The following PPM1B variants were observed in gnomAD, a reference collection of about 807,000 sequenced individuals.
The protein encoded by PPM1B is protein phosphatase 1B.
Under a neutral mutation model 43.0 loss-of-function variants are expected in PPM1B, and 22 were observed. The observed-to-expected ratio is 0.51, with a 90% CI of 0.37 to 0.73. The LOEUF (loss-of-function observed/expected upper bound fraction) is 0.73. Ranked by LOEUF, PPM1B falls within the 30% of genes least tolerant of loss-of-function variation. PPM1B has a pLI of 0.00. For synonymous variants in PPM1B, 217 were observed against 197.9 expected, an observed-to-expected ratio of 1.10 and a Z score of -0.81; for missense variants, 632 against 584.2, an observed-to-expected ratio of 1.08 and a Z score of -0.84.
chr2:44,218,335 A>C (rs1054749359), intron 4 of PPM1B, 145 bp from the exon 5 acceptor site: 37 of 699,894 alleles, frequency 5.3e-5, no homozygotes, highest in Non-Finnish European at 8.8e-5. Flanking sequence ...TCAGATTCTG[A>C]GAGTAAAGTG....
intron 3 of PPM1B, among the ~76,000 whole-genome samples, chr2:44,215,862 A>G (rs1669695317): frequency 1.3e-5 from 2 of 152,206 alleles, no homozygotes; most frequent in South Asian, 2.1e-4. Context: ...TTGGTTAGAA[A>G]TGTCTCTGTG....
chr2:44,228,181 C>T (rs1670307378), intron 5 of PPM1B, among the ~76,000 whole-genome samples: 1 of 129,410 alleles, frequency 7.7e-6, no homozygotes, highest in African/African-American at 2.8e-5. Context: ...CTCAGCCTAA[C>T]AAGCCCTTTT....
chr2:44,227,464 A>G (rs58093802), intron 5 of PPM1B, among the ~76,000 whole-genome samples: 5,466 of 151,860 alleles, frequency 0.036, 311 homozygotes, highest in African/African-American at 0.12. Context: ...GCTAACATGA[A>G]CAGATACACA....
At chr2:44,171,419 A>G (rs2103983260) in intron 1 of PPM1B, among the ~76,000 whole-genome samples, 2 of 152,322 alleles carry the variant, frequency 1.3e-5, no homozygotes, top group East Asian at 3.9e-4. Context: ...CTTTTCTATA[A>G]CAAACATTTT....
At chr2:44,224,600 T>A (rs1439874854) in intron 5 of PPM1B, among the ~76,000 whole-genome samples, 1 of 152,086 alleles carries the variant, frequency 6.6e-6, no homozygotes, top group Non-Finnish European at 1.5e-5. Context: ...ACTCTCTGCT[T>A]GATTTATCTA....
At chr2:44,225,567 T>C (rs142915299) in intron 5 of PPM1B, among the ~76,000 whole-genome samples, 112 of 152,388 alleles carry the variant, frequency 7.3e-4, no homozygotes, top group African/African-American at 2.4e-3. Context: ...TTAGCTAAAG[T>C]TCTTCTCAAT....
intron 1 of PPM1B, among the ~76,000 whole-genome samples, chr2:44,170,699 T>C (rs1667294374): frequency 6.6e-6 from 1 of 152,200 alleles, no homozygotes; most frequent in Non-Finnish European, 1.5e-5. Context: ...AAATGGGGCA[T>C]TTCTAAGTAA....
chr2:44,232,387 G>A, downstream of PPM1B: 2 of 1,592,330 alleles, frequency 1.3e-6, no homozygotes, highest in Non-Finnish European at 1.7e-6. Context: ...TGAAAATTGG[G>A]GGAAAAAACT....
At chr2:44,173,863 T>C (rs1667463292) in intron 1 of PPM1B, among the ~76,000 whole-genome samples, 1 of 152,156 alleles carries the variant, frequency 6.6e-6, no homozygotes, top group African/African-American at 2.4e-5. Flanking sequence ...GAATTGCTTG[T>C]ACCCGAGAGG....
At position 44,169,034 on chromosome 2, in the gene PPM1B, T is replaced by A; in HGVS notation, c.-255T>A. On this transcript the variant is annotated 5_prime_UTR_variant, in exon 1 of 6. Transcript: ENST00000282412. ...GGAAGATGCTCCAGAGAGACGAGGC[T>A]GCGGCGGAGGAGGTGGCGGCGGCCG... The A allele has an allele frequency of 6.1e-6, 1 of 163,664 alleles. No individual in the cohort carries two copies. Among genetic ancestry groups the A allele is most frequent in the Non-Finnish European group, 1.3e-5 (1 of 74,752 alleles). 10.1% of individuals were successfully genotyped at this position (163,664 alleles called of 1,614,324 possible).
intron 5 of PPM1B, among the ~76,000 whole-genome samples, chr2:44,227,384 GTATC>G (rs1346302799): frequency 6.6e-6 from 1 of 152,052 alleles, no homozygotes; most frequent in African/African-American, 2.4e-5. Flanking sequence ...AGAAAATAAA[GTATC>G]TAGAACTCCC....
rs1428797739 is a variant in PPM1B at position 44,239,890 on chromosome 2, G to A, written n.1547-4338G>A. Among the ~76,000 whole-genome samples the A allele has an allele frequency of 3.5e-5, 3 of 85,942 alleles. No individual in the cohort carries two copies. The East Asian group carries it at 7.0e-4, about 20-fold the overall frequency. 56.4% of individuals were successfully genotyped at this position (85,942 alleles called of 152,430 possible). ...TCTGCTCTATTGTTTTTTTGTTTTT[G>A]TTTTTGTTTTTTTTTTTTGTCTAAC... On this transcript the variant is annotated intron_variant and non_coding_transcript_variant, in intron 5 of 5. Coordinates refer to the PPM1B transcript ENST00000378540.
chr2:44,208,981 T>C (rs542632393), intron 2 of PPM1B, among the ~76,000 whole-genome samples: 1 of 152,338 alleles, frequency 6.6e-6, no homozygotes, highest in East Asian at 1.9e-4. Context: ...CTGTGGGTAA[T>C]AATAGTTCAC....
intron 2 of PPM1B, 124 bp from the exon 3 acceptor site, chr2:44,209,086 T>C (rs914065053): frequency 2.4e-6 from 2 of 839,264 alleles, no homozygotes; most frequent in African/African-American, 3.5e-5. Context: ...GGAATAAAAA[T>C]GAATGTGTTA....
At chr2:44,243,051 G>A (rs763948110) in intron 5 of PPM1B, among the ~76,000 whole-genome samples, 1 of 152,056 alleles carries the variant, frequency 6.6e-6, no homozygotes, top group African/African-American at 2.4e-5. Flanking sequence ...AACCTCATAG[G>A]GATTTCCCCC....
intron 2 of PPM1B, among the ~76,000 whole-genome samples, chr2:44,205,332 AGTGGGTGTGGGT>A (rs11277275): frequency 7.6e-4 from 107 of 141,462 alleles, no homozygotes; most frequent in East Asian, 1.2e-3. Flanking sequence ...AATAAAGAAG[AGTGGGTGTGGGT>A]GTGGGTGTGG....
rs1045818026 is a variant in PPM1B at position 44,168,919 on chromosome 2, C to G, written c.-370C>G. 6.5e-6 allele frequency: 1 copy of G among 153,322 alleles called. No homozygotes were observed. Among genetic ancestry groups the G allele is most frequent in the East Asian group, 1.9e-4 (1 of 5,186 alleles). 9.5% of individuals were successfully genotyped at this position (153,322 alleles called of 1,614,324 possible). ...TTCTGCTCAATGGCGGAAAAGCCGCCGGTGCTCTGACGGCCTCGTTCCCCT... is the reference window on the plus strand; with the variant it reads ...TTCTGCTCAATGGCGGAAAAGCCGCGGGTGCTCTGACGGCCTCGTTCCCCT... On this transcript the variant is annotated 5_prime_UTR_variant, in exon 1 of 6. Transcript: ENST00000282412.
intron 1 of PPM1B, among the ~76,000 whole-genome samples, chr2:44,188,393 CTTTTT>C (rs67959948): frequency 5.9e-4 from 54 of 92,306 alleles, no homozygotes; most frequent in Admixed American, 9.9e-4. Flanking sequence ...TTCTTTCTTT[CTTTTT>C]TTTTTTTTTT....
intron 1 of PPM1B, among the ~76,000 whole-genome samples, chr2:44,195,404 G>A (rs545914029): frequency 1.1e-4 from 17 of 151,980 alleles, no homozygotes; most frequent in South Asian, 8.3e-4. Flanking sequence ...TAGAGATAGG[G>A]TCTTGCTATG....
Sources: gnomAD v4.1 joint callset for allele counts (sites outside exome capture counted in the v4.1 genomes callset) on GRCh38, gnomAD v4.1.1 for gene constraint, MANE v1.5 for transcripts, NCBI Gene and HGNC (gene_info 2026-07-23, HGNC 2026-07-21) for gene names.